The following PLPPR1 variants were observed in gnomAD, a reference collection of about 807,000 sequenced individuals.
PLPPR1 encodes the protein phospholipid phosphatase-related protein type 1.
Under a neutral mutation model 33.1 loss-of-function variants are expected in PLPPR1, and 10 were observed. That is an observed-to-expected ratio of 0.30 (90% CI 0.19 to 0.51). PLPPR1 has a LOEUF of 0.51. Among genes scored for constraint, PLPPR1 ranks in the 20% least tolerant of loss-of-function variants. PLPPR1 has a pLI of 0.97. For missense variants in PLPPR1, 304 were observed against 408.1 expected (o/e 0.74, Z 2.20); for synonymous variants, 151 against 151.0 (o/e 1.00, Z 0.00).
At chr9:101,279,945 A>G (rs1470377066) in intron 3 of PLPPR1, among the ~76,000 whole-genome samples, 2 of 152,182 alleles carry the variant, frequency 1.3e-5, no homozygotes, top group African/African-American at 4.8e-5. Flanking sequence ...ATGCAAAGAA[A>G]TAATAAAGAT....
chr9:101,305,225 A>G (rs1828836291), intron 4 of PLPPR1, among the ~76,000 whole-genome samples: 1 of 151,986 alleles, frequency 6.6e-6, no homozygotes, highest in Non-Finnish European at 1.5e-5. Flanking sequence ...GTGTGCGTGC[A>G]TGTGTGCATG....
At chr9:101,066,048 G>C (rs1011773527) in intron 1 of PLPPR1, among the ~76,000 whole-genome samples, 1 of 151,912 alleles carries the variant, frequency 6.6e-6, no homozygotes, top group Non-Finnish European at 1.5e-5. Flanking sequence ...TCCCACTCAG[G>C]ATACCACATT....
rs186803972 is a variant in PLPPR1, at chr9:101,259,574, T to G, written c.64-10306T>G. On this transcript the variant is annotated intron_variant, in intron 2 of 7. Coordinates refer to ENST00000374874, the MANE Select transcript of PLPPR1 (RefSeq NM_207299.2). Reference sequence around the variant, plus strand: ...TTGCAGGTAGCTACTGTGAACCCCATACATCTAAGACAGGTCTGAATTTAG... The same window carrying G: ...TTGCAGGTAGCTACTGTGAACCCCAGACATCTAAGACAGGTCTGAATTTAG... Among the ~76,000 whole-genome samples, 183 of 152,306 alleles carry G rather than the reference T, an allele frequency of 1.2e-3. 2 individuals are homozygous for G. The South Asian group carries it at 0.018, about 15-fold the overall frequency.
At chr9:101,060,474 A>G (rs1830332830) in intron 1 of PLPPR1, among the ~76,000 whole-genome samples, 1 of 152,026 alleles carries the variant, frequency 6.6e-6, no homozygotes, top group South Asian at 2.1e-4. Flanking sequence ...TTTCACTACA[A>G]AAAATATTGA....
intron 1 of PLPPR1, among the ~76,000 whole-genome samples, chr9:101,097,471 G>A (rs1006350143): frequency 4.6e-5 from 7 of 152,140 alleles, no homozygotes; most frequent in Non-Finnish European, 7.4e-5. Flanking sequence ...GTGAACCTGT[G>A]TTACATCTCA....
At chr9:101,308,502 G>A (rs1455744689) in intron 4 of PLPPR1, among the ~76,000 whole-genome samples, 1 of 152,198 alleles carries the variant, frequency 6.6e-6, no homozygotes, top group African/African-American at 2.4e-5. Context: ...CATTTGTGTT[G>A]TAAGCCCCTC....
intron 2 of PLPPR1, among the ~76,000 whole-genome samples, chr9:101,238,589 A>G (rs976717652): frequency 7.3e-5 from 11 of 151,622 alleles, no homozygotes; most frequent in African/African-American, 2.7e-4. Flanking sequence ...ATGGGTACAC[A>G]TGGACGTAGA....
At chr9:101,124,931 A>C (rs746519236) in intron 1 of PLPPR1, among the ~76,000 whole-genome samples, 1 of 152,222 alleles carries the variant, frequency 6.6e-6, no homozygotes, top group Non-Finnish European at 1.5e-5. Context: ...CCCTTGATTA[A>C]GTTTAGTTAA....
At chr9:101,235,390 C>T (rs1371303569) in intron 2 of PLPPR1, among the ~76,000 whole-genome samples, 1 of 151,812 alleles carries the variant, frequency 6.6e-6, no homozygotes, top group African/African-American at 2.4e-5. Flanking sequence ...CACCATGATG[C>T]AAATTCAGCT....
At chr9:101,128,812 GT>G (rs1177910574) in intron 1 of PLPPR1, among the ~76,000 whole-genome samples, 2 of 152,092 alleles carry the variant, frequency 1.3e-5, no homozygotes, top group Admixed American at 6.5e-5. Context: ...GAATAGAGAG[GT>G]TAAAATGTGT....
At position 101,314,848 on chromosome 9, in the gene PLPPR1, T is replaced by G. The variant is rs539543040; in HGVS notation, c.813+1874T>G. On this transcript the variant is annotated intron_variant, in intron 6 of 7. Coordinates refer to ENST00000374874, the MANE Select transcript of PLPPR1 (RefSeq NM_207299.2). Reference sequence around the variant, plus strand: ...ATGGATCCAGGCATTCTTCCTATAGTGAAAGATGAAAAACTAAAATGCAAA... The same window carrying G: ...ATGGATCCAGGCATTCTTCCTATAGGGAAAGATGAAAAACTAAAATGCAAA... 2.6e-5 allele frequency among the ~76,000 whole-genome samples: 4 copies of G among 152,060 alleles called. No homozygotes were observed. In the East Asian group the frequency reaches 7.7e-4, roughly 29 times the overall value.
At chr9:101,040,698 A>G (rs1290590458) in intron 1 of PLPPR1, among the ~76,000 whole-genome samples, 1 of 152,148 alleles carries the variant, frequency 6.6e-6, no homozygotes, top group Non-Finnish European at 1.5e-5. Context: ...ATTAATCTTT[A>G]ACTCTTTACT....
chr9:101,052,484 A>G (rs1176916075), intron 1 of PLPPR1, among the ~76,000 whole-genome samples: 2 of 152,196 alleles, frequency 1.3e-5, no homozygotes, highest in Non-Finnish European at 2.9e-5. Flanking sequence ...CAATAGTGGA[A>G]TGGCTGAGAA....
rs112601712 is a variant in PLPPR1 at position 101,099,158 on chromosome 9, G to C, written c.-46+70056G>C. Among the ~76,000 whole-genome samples, 101 of 152,150 alleles carry C rather than the reference G, an allele frequency of 6.6e-4. No individual in the cohort carries two copies. In the South Asian group the frequency reaches 0.021, roughly 31 times the overall value. On this transcript the variant is annotated intron_variant, in intron 1 of 7. Coordinates refer to ENST00000374874, the MANE Select transcript of PLPPR1 (RefSeq NM_207299.2). ...GTCAGTGGGGATGTGAATATTTAAA[G>C]AGACAAGCCATGTAAAGTGCTTAGT...
chr9:101,313,073 C>A (rs924025992), intron 6 of PLPPR1, 99 bp downstream of exon 6: 4 of 1,034,342 alleles, frequency 3.9e-6, no homozygotes, highest in African/African-American at 3.2e-5. Context: ...TTCCTTTCGT[C>A]CCAACCTTGT....
intron 1 of PLPPR1, among the ~76,000 whole-genome samples, chr9:101,148,955 G>GCA (rs1304092675): frequency 1.3e-5 from 2 of 152,038 alleles, no homozygotes; most frequent in Non-Finnish European, 2.9e-5. Context: ...CCTTTTATTA[G>GCA]CACTCTCTTC....
intron 1 of PLPPR1, among the ~76,000 whole-genome samples, chr9:101,127,118 TTTGTCCCA>T (rs1831255317): frequency 6.6e-6 from 1 of 152,244 alleles, no homozygotes; most frequent in African/African-American, 2.4e-5. Context: ...CTGCTTTCAA[TTTGTCCCA>T]TTGTTACCCT....
intron 1 of PLPPR1, among the ~76,000 whole-genome samples, chr9:101,043,731 A>G (rs1007902182): frequency 2.0e-5 from 3 of 152,090 alleles, no homozygotes; most frequent in African/African-American, 7.2e-5. Context: ...ACTGTTTTCC[A>G]TAGTGGTTGT....
intron 2 of PLPPR1, among the ~76,000 whole-genome samples, chr9:101,199,466 T>A (rs562886788): frequency 1.3e-5 from 2 of 152,292 alleles, no homozygotes; most frequent in East Asian, 3.9e-4. Flanking sequence ...CCCCATAAAT[T>A]TACTCCTTCA....
Sources: allele counts gnomAD v4.1 joint callset (sites outside exome capture counted in the v4.1 genomes callset), GRCh38; gene constraint gnomAD v4.1.1; transcripts MANE v1.5; gene names NCBI Gene and HGNC (gene_info 2026-07-23, HGNC 2026-07-21).